PDE1C: variants seen among roughly 807,000 people sequenced by gnomAD.
The protein encoded by PDE1C is dual specificity calcium/calmodulin-dependent 3',5'-cyclic nucleotide phosphodiesterase 1C.
In PDE1C, 62 loss-of-function variants were observed where a neutral mutation model predicts 93.1. The observed-to-expected ratio is 0.67, with a 90% CI of 0.54 to 0.82. The LOEUF (loss-of-function observed/expected upper bound fraction) is 0.82. Among genes scored for constraint, PDE1C ranks in the 40% least tolerant of loss-of-function variants. The pLI is 0.00. For missense variants in PDE1C, 742 were observed against 884.6 expected, an observed-to-expected ratio of 0.84 and a Z score of 2.04; for synonymous variants, 325 against 310.1, an observed-to-expected ratio of 1.05 and a Z score of -0.50.
At chr7:32,129,276 T>C (rs1183499053) in intron 3 of PDE1C, among the ~76,000 whole-genome samples, 3 of 151,780 alleles carry the variant, frequency 2.0e-5, no homozygotes, top group Non-Finnish European at 4.4e-5. Context: ...ATGGCACTCA[T>C]GCAAAGAGAA....
intron 2 of PDE1C, among the ~76,000 whole-genome samples, chr7:31,976,751 TC>T (rs889643157): frequency 6.6e-6 from 1 of 152,172 alleles, no homozygotes; most frequent in African/African-American, 2.4e-5. Context: ...TCGAATTATA[TC>T]ATGTGCCAAA....
At chr7:32,093,490 G>A (rs1797585529) in intron 3 of PDE1C, among the ~76,000 whole-genome samples, 2 of 152,196 alleles carry the variant, frequency 1.3e-5, no homozygotes, top group South Asian at 2.1e-4. Flanking sequence ...CTTGTTGAGG[G>A]AATGTCAATG....
At chr7:31,967,857 C>T (rs1183795573) in intron 2 of PDE1C, among the ~76,000 whole-genome samples, 2 of 152,184 alleles carry the variant, frequency 1.3e-5, no homozygotes, top group East Asian at 3.9e-4. Context: ...AAGACAAAAA[C>T]CACATTATTA....
the PDE1C span, among the ~76,000 whole-genome samples, chr7:31,617,734 T>C: frequency 6.6e-6 from 1 of 152,162 alleles, no homozygotes; most frequent in Non-Finnish European, 1.5e-5. Flanking sequence ...TTAAGGATAA[T>C]ACTCTACCTA....
chr7:31,619,939 C>T, the PDE1C span, among the ~76,000 whole-genome samples: 2,117 of 152,286 alleles, frequency 0.014, 58 homozygotes, highest in African/African-American at 0.046. Flanking sequence ...TAAAAAACGG[C>T]GCACCAGGAG....
intron 3 of PDE1C, among the ~76,000 whole-genome samples, chr7:32,148,458 T>A (rs1801045025): frequency 1.3e-5 from 2 of 152,172 alleles, no homozygotes; most frequent in African/African-American, 2.4e-5. Context: ...AAAGACTTGA[T>A]CTATGTTTCT....
intron 1 of PDE1C, among the ~76,000 whole-genome samples, chr7:32,308,062 T>C (rs1286596531): frequency 1.3e-5 from 2 of 152,236 alleles, no homozygotes; most frequent in Non-Finnish European, 2.9e-5. Flanking sequence ...GCTTAAAAGA[T>C]GGCACACCAG....
At chr7:32,416,685 G>C (rs542878870) in intron 1 of PDE1C, among the ~76,000 whole-genome samples, 1 of 152,038 alleles carries the variant, frequency 6.6e-6, no homozygotes, top group Non-Finnish European at 1.5e-5. Context: ...TGAAGCTCAG[G>C]GATGCTGTCA....
intron 2 of PDE1C, among the ~76,000 whole-genome samples, chr7:31,998,160 C>A (rs1201469259): frequency 6.6e-6 from 1 of 152,018 alleles, no homozygotes; most frequent in Non-Finnish European, 1.5e-5. Context: ...GCTGGGACTA[C>A]AGGTGCCTGC....
chr7:32,130,901 C>T (rs541126649), intron 3 of PDE1C, among the ~76,000 whole-genome samples: 1 of 152,174 alleles, frequency 6.6e-6, no homozygotes, highest in East Asian at 1.9e-4. Flanking sequence ...CTGCCCAACT[C>T]CCATCATAAT....
At chr7:31,647,720 GACA>G in the PDE1C span, among the ~76,000 whole-genome samples, 1 of 148,328 alleles carries the variant, frequency 6.7e-6, no homozygotes, top group East Asian at 2.0e-4. Flanking sequence ...AGACGATGAC[GACA>G]ACGACGACGA....
chr7:31,939,593 TA>T (rs1805550326), intron 2 of PDE1C, among the ~76,000 whole-genome samples: 1 of 152,064 alleles, frequency 6.6e-6, no homozygotes, highest in African/African-American at 2.4e-5. Context: ...AAGAAATTGA[TA>T]AGAGATGAGG....
the PDE1C span, among the ~76,000 whole-genome samples, chr7:31,709,094 T>C: frequency 0.063 from 9,601 of 152,226 alleles, 365 homozygotes; most frequent in Non-Finnish European, 0.089. Context: ...GAAAACACAG[T>C]CTCACTTCAT....
At chr7:31,857,584 C>T (rs1794178431) in intron 7 of PDE1C, among the ~76,000 whole-genome samples, 1 of 152,168 alleles carries the variant, frequency 6.6e-6, no homozygotes. Flanking sequence ...ACTGAGAAGA[C>T]TGTTGCTGAT....
At chr7:31,983,616 A>T (rs895958614) in intron 2 of PDE1C, among the ~76,000 whole-genome samples, 3 of 145,974 alleles carry the variant, frequency 2.1e-5, no homozygotes, top group African/African-American at 7.5e-5. Flanking sequence ...CCCTGCCTCT[A>T]AAAAAAATAA....
chr7:31,792,573 A>G (rs1276549386), intron 16 of PDE1C, among the ~76,000 whole-genome samples: 2 of 152,138 alleles, frequency 1.3e-5, no homozygotes, highest in Non-Finnish European at 2.9e-5. Context: ...AAACCCAATT[A>G]TGGATGGCTT....
In PDE1C at chr7:31,983,782, T is replaced by C. The variant is rs558141954; in HGVS notation, c.128+67772A>G. On this transcript the variant is annotated intron_variant, in intron 2 of 17. Transcript: ENST00000396191. ...AATTTTAAAACCCTCTGATTTATCA[T>C]TCCACCACTTCACTTATTTGTAAAA... Among the ~76,000 whole-genome samples the C allele has an allele frequency of 3.9e-5, 6 of 152,268 alleles. No individual in the cohort carries two copies. The East Asian group carries it at 1.2e-3, about 29-fold the overall frequency.
At chr7:31,691,932 T>C in the PDE1C span, among the ~76,000 whole-genome samples, 1 of 152,072 alleles carries the variant, frequency 6.6e-6, no homozygotes, top group African/African-American at 2.4e-5. Flanking sequence ...TGGACCTGTA[T>C]ATAGCCTTGG....
intron 2 of PDE1C, among the ~76,000 whole-genome samples, chr7:31,984,281 C>T (rs1356284659): frequency 6.6e-6 from 1 of 152,074 alleles, no homozygotes; most frequent in Non-Finnish European, 1.5e-5. Context: ...GTGAATTGTG[C>T]ACATGAGGGA....
Sources: allele counts gnomAD v4.1 joint callset (sites outside exome capture counted in the v4.1 genomes callset), GRCh38; gene constraint gnomAD v4.1.1; transcripts MANE v1.5; gene names NCBI Gene and HGNC (gene_info 2026-07-23, HGNC 2026-07-21).